CYP24A1: variants seen among roughly 807,000 people sequenced by gnomAD.
CYP24A1 encodes the protein 1,25-dihydroxyvitamin D(3) 24-hydroxylase, mitochondrial.
In CYP24A1, 68 loss-of-function variants were observed where a neutral mutation model predicts 62.4. The observed-to-expected ratio is 1.09, with a 90% CI of 0.90 to 1.33. CYP24A1 has a LOEUF of 1.33. Ranked by LOEUF, CYP24A1 falls within the 40% of genes most tolerant of loss-of-function variation. The probability of loss-of-function intolerance (pLI) is 0.00; values close to 1 mark genes in which losing one functional copy is unlikely to be tolerated. For synonymous variants in CYP24A1, 267 were observed against 253.0 expected (o/e 1.06, Z -0.52); for missense variants, 787 against 653.0 (o/e 1.21, Z -2.24).
the CYP24A1 span, among the ~76,000 whole-genome samples, chr20:54,148,036 A>G: frequency 2.7e-3 from 405 of 152,008 alleles, 2 homozygotes; most frequent in African/African-American, 9.5e-3. Flanking sequence ...GGGTTTCACC[A>G]TGTTGGCCAG....
intron 8 of CYP24A1, 122 bp downstream of exon 8, chr20:54,158,835 G>A: frequency 6.6e-7 from 1 of 1,516,910 alleles, no homozygotes; most frequent in Admixed American, 2.1e-5. Context: ...AGATTTTTTT[G>A]CAGTGTGATA....
intron 9 of CYP24A1, 24 bp from the exon 10 acceptor site, chr20:54,157,609 G>A (rs1209691089): frequency 7.3e-7 from 1 of 1,362,476 alleles, no homozygotes; most frequent in Non-Finnish European, 1.1e-6. Flanking sequence ...GAGACACATA[G>A]TATTTAAAAT....
In CYP24A1 at chr20:54,154,207, T is replaced by C. The variant is rs2092618790; in HGVS notation, c.*565A>G. On this transcript the variant is annotated 3_prime_UTR_variant, in exon 12 of 12. Transcript: ENST00000216862. Reference sequence around the variant, plus strand: ...ATTTTAAGGTCCTCTAACAAAATAATGCCCCAGTGAATCACTAGTCTTATA... The same window carrying C: ...ATTTTAAGGTCCTCTAACAAAATAACGCCCCAGTGAATCACTAGTCTTATA... The C allele has an allele frequency of 2.0e-5, 3 of 152,238 alleles. No homozygotes were observed. The highest frequency in any genetic ancestry group is 6.5e-5 in the Admixed American group (1 of 15,288). The allele number at this position is 152,238 out of a possible 1,614,324, so 9.4% of individuals were successfully genotyped here.
chr20:54,158,235 C>T (rs2092636926), intron 8 of CYP24A1, 71 bp from the exon 9 acceptor site: 1 of 1,600,912 alleles, frequency 6.2e-7, no homozygotes, highest in Non-Finnish European at 8.5e-7. Context: ...AATGGGAATG[C>T]AGATTGGATT....
intron 2 of CYP24A1, 174 bp downstream of exon 2, chr20:54,172,735 C>T (rs989275441): frequency 2.8e-6 from 4 of 1,441,016 alleles, no homozygotes; most frequent in East Asian, 2.5e-5. Context: ...TGGACCGACT[C>T]TAATCTGTAC....
At position 54,157,498 on chromosome 20, in the gene CYP24A1, G is replaced by A. The variant is rs772662238; in HGVS notation, c.1324C>T (p.Gln442Ter). The A allele has an allele frequency of 1.4e-5, 22 of 1,599,478 alleles. No individual in the cohort carries two copies. In the East Asian group the frequency reaches 4.7e-4, roughly 34 times the overall value. ...SSQFRPERWL[Q>*]EKEKINPFAH... The stretch of plus-strand genomic sequence containing the variant: ...AAAGGATTAATTTTTTCCTTCTCCT[G>A]AAGCCAACGTTCAGGTCTAAACTGA... The change falls in exon 10 of 12, where the codon CAG (glutamine) becomes TAG (stop). Residue 442 changes from glutamine to a stop codon, truncating the protein, a stop_gained. Coordinates refer to ENST00000216862, the MANE Select transcript of CYP24A1 (RefSeq NM_000782.5). LOFTEE classifies it high-confidence loss of function.
In CYP24A1 at chr20:54,157,275, G is replaced by A. The variant is rs73135773; in HGVS notation, c.1449C>T (p.Tyr483=). 1.2e-5 allele frequency: 19 copies of A among 1,607,960 alleles called. No individual in the cohort carries two copies. The highest frequency in any genetic ancestry group is 1.3e-5 in the Non-Finnish European group (15 of 1,174,506). The part of the protein sequence containing the change: ...HLALCWIVRK[Y]DIQATDNEPV... ...GCTCATTGTCTGTGGCCTGGATGTCGTATTTGCGGACAATCTGTAATGCAC... is the reference window on the plus strand; with the variant it reads ...GCTCATTGTCTGTGGCCTGGATGTCATATTTGCGGACAATCTGTAATGCAC... Residue 483 remains tyrosine, a synonymous_variant, in exon 11 of 12, where the codon TAC becomes TAT. Coordinates refer to ENST00000216862, the MANE Select transcript of CYP24A1 (RefSeq NM_000782.5).
chr20:54,164,536 C>T lies in CYP24A1; in HGVS notation c.760G>A (p.Val254Ile), dbSNP rs2092664130. 6.2e-7 allele frequency: 1 copy of T among 1,614,128 alleles called. No homozygotes were observed. The highest frequency in any genetic ancestry group is 8.5e-7 in the Non-Finnish European group (1 of 1,179,992). Residue 254 changes from valine to isoleucine, a missense_variant, in exon 6 of 12, where the codon GTC becomes ATC. Val to Ile is a conservative substitution (Grantham distance 29). Transcript: ENST00000216862. ...TMMSTFGRMM[V>I]TPVELHKSLN... Reference sequence around the variant, plus strand: ...CTCTTGTGCAGCTCGACTGGAGTGACCATCATCCTCCCAAACGTGCTCATC... The same window carrying T: ...CTCTTGTGCAGCTCGACTGGAGTGATCATCATCCTCCCAAACGTGCTCATC...
intron 7 of CYP24A1, among the ~76,000 whole-genome samples, chr20:54,162,090 C>T (rs1436739607): frequency 2.0e-4 from 30 of 152,138 alleles, no homozygotes; most frequent in Admixed American, 2.0e-3. Context: ...TCGGCCACAT[C>T]AGAGACAGAA....
At position 54,162,421 on chromosome 20, in the gene CYP24A1, C is replaced by T. The variant is rs545960919; in HGVS notation, c.990+296G>A. Among the ~76,000 whole-genome samples, 3 of 137,474 alleles carry T rather than the reference C, an allele frequency of 2.2e-5. No homozygotes were observed. In the South Asian group the frequency reaches 7.3e-4, roughly 33 times the overall value. 90.2% of individuals were successfully genotyped at this position (137,474 alleles called of 152,430 possible). On this transcript the variant is annotated intron_variant, in intron 7 of 11. Transcript: ENST00000216862. ...TGGACATCATGGCACTCATCACATC[C>T]TACTCTGGCTTTTTGTCACTGGGGC...
intron 2 of CYP24A1, chr20:54,171,954 T>C (rs2092695506): frequency 1.7e-6 from 1 of 580,344 alleles, no homozygotes; most frequent in African/African-American, 1.9e-5. Flanking sequence ...TGAGGTGTCC[T>C]TGCAGGGAGT....
At chr20:54,161,602 T>C (rs1048488321) in intron 7 of CYP24A1, among the ~76,000 whole-genome samples, 3 of 151,706 alleles carry the variant, frequency 2.0e-5, no homozygotes, top group African/African-American at 7.3e-5. Flanking sequence ...TGCCAAGTAC[T>C]GTTCTATGTC....
At chr20:54,149,928 T>C (rs2146448723), downstream of CYP24A1, among the ~76,000 whole-genome samples, 1 of 152,314 alleles carries the variant, frequency 6.6e-6, no homozygotes, top group South Asian at 2.1e-4. Flanking sequence ...CCCCTAGACA[T>C]AAGCCAACTA....
intron 2 of CYP24A1, chr20:54,172,075 A>G (rs1423318093): frequency 1.0e-5 from 3 of 300,826 alleles, no homozygotes; most frequent in South Asian, 3.3e-5. Flanking sequence ...CTTTCAACTC[A>G]TTGGTGTGGG....
the CYP24A1 span, among the ~76,000 whole-genome samples, chr20:54,148,369 G>GACACAC: frequency 0.21 from 28,104 of 133,276 alleles, 3,492 homozygotes; most frequent in Admixed American, 0.34. Flanking sequence ...CAGACACACA[G>GACACAC]ACACACACAC....
At chr20:54,157,000 C>T (rs979532994) in intron 11 of CYP24A1, among the ~76,000 whole-genome samples, 169 bp downstream of exon 11, 1 of 149,494 alleles carries the variant, frequency 6.7e-6, no homozygotes, top group African/African-American at 2.5e-5. Context: ...CATCATTTTA[C>T]AAATGAAAAA....
At chr20:54,160,773 T>C (rs1336623705) in intron 7 of CYP24A1, among the ~76,000 whole-genome samples, 1 of 151,180 alleles carries the variant, frequency 6.6e-6, no homozygotes, top group African/African-American at 2.4e-5. Context: ...CCAAATAGAG[T>C]TTCCAAAGGG....
chr20:54,157,264 G>T lies in CYP24A1; in HGVS notation c.1460C>A (p.Ala487Asp). The change falls in exon 11 of 12, where the codon GCC becomes GAC. Residue 487 changes from alanine to aspartate, a missense_variant. By Grantham distance (126) the Ala-to-Asp change is moderately radical. Coordinates refer to ENST00000216862, the MANE Select transcript of CYP24A1 (RefSeq NM_000782.5). ...CATCTCAACAGGCTCATTGTCTGTG[G>T]CCTGGATGTCGTATTTGCGGACAAT... The part of the protein sequence containing the change: ...CWIVRKYDIQ[A>D]TDNEPVEMLH... 1 of 1,611,844 alleles carries T rather than the reference G, an allele frequency of 6.2e-7. No individual in the cohort carries two copies. The highest frequency in any genetic ancestry group is 8.5e-7 in the Non-Finnish European group (1 of 1,178,024).
Position 54,159,068 on chromosome 20 carries a change from T to A in CYP24A1, c.1046A>T (p.Gln349Leu), listed in dbSNP as rs748640858. 1 of 1,614,148 alleles carries A rather than the reference T, an allele frequency of 6.2e-7. No individual in the cohort carries two copies. Among genetic ancestry groups the A allele is most frequent in the Non-Finnish European group, 8.5e-7 (1 of 1,179,988 alleles). Reference protein sequence around the residue: ...LYNLSRNPQVQQKLLKEIQSV... With the variant: ...LYNLSRNPQVLQKLLKEIQSV... ...TTGAATTTCCTTAAGAAGCTTTTGT[T>A]GCACTTGGGGATTACGGGATAAATT... The change falls in exon 8 of 12, where the codon CAA (glutamine) becomes CTA (leucine). Residue 349 changes from glutamine (Q) to leucine (L), a missense_variant. Transcript: ENST00000216862.
Sources: gnomAD v4.1 joint callset for allele counts (sites outside exome capture counted in the v4.1 genomes callset) on GRCh38, gnomAD v4.1.1 for gene constraint, MANE v1.5 for transcripts, NCBI Gene and HGNC (gene_info 2026-07-23, HGNC 2026-07-21) for gene names.